DYNC2H1: variants seen among roughly 807,000 people sequenced by gnomAD.
DYNC2H1 encodes the protein cytoplasmic dynein 2 heavy chain 1.
Under a neutral mutation model 570.0 loss-of-function variants are expected in DYNC2H1, and 410 were observed. The ratio of observed to expected loss-of-function variants is 0.72; its 90% CI spans 0.66 to 0.78. The LOEUF is 0.78. Among genes scored for constraint, DYNC2H1 ranks in the 30% least tolerant of loss-of-function variants. The pLI is 0.00. For missense variants in DYNC2H1, 4,865 were observed against 5,046.4 expected, an observed-to-expected ratio of 0.96 and a Z score of 1.09; for synonymous variants, 1,688 against 1,677.6, an observed-to-expected ratio of 1.01 and a Z score of -0.15.
intron 85 of DYNC2H1, among the ~76,000 whole-genome samples, chr11:103,436,404 T>C (rs889486705): frequency 3.9e-5 from 6 of 152,020 alleles, no homozygotes; most frequent in Non-Finnish European, 8.8e-5. Context: ...GATCAAGTTT[T>C]TTCAGAATAA....
chr11:103,176,386 A>T lies in DYNC2H1; in HGVS notation c.5826A>T (p.Ala1942=). ...TGGAATATGATGAACTAAGTGCTGCATTAAAGCAGGTCTTTGAAGAGGCCA... is the reference window on the plus strand; with the variant it reads ...TGGAATATGATGAACTAAGTGCTGCTTTAAAGCAGGTCTTTGAAGAGGCCA... The part of the protein sequence containing the change: ...KEVEYDELSA[A]LKQVFEEANY... Residue 1942 remains alanine (A), a synonymous_variant, in exon 37 of 89, where the codon GCA becomes GCT. Transcript: ENST00000375735. 6.3e-7 allele frequency: 1 copy of T among 1,589,224 alleles called. No individual in the cohort carries two copies. The highest frequency in any genetic ancestry group is 8.6e-7 in the Non-Finnish European group (1 of 1,169,548).
chr11:103,134,772 T>C (rs1194954679), intron 15 of DYNC2H1, among the ~76,000 whole-genome samples: 1 of 152,084 alleles, frequency 6.6e-6, no homozygotes, highest in Non-Finnish European at 1.5e-5. Context: ...AGAATCCTAA[T>C]GATTGGAATA....
chr11:103,145,844 C>T lies in DYNC2H1; in HGVS notation c.2703-1928C>T, dbSNP rs1376576915. On this transcript the variant is annotated intron_variant, in intron 18 of 88. Transcript: ENST00000375735. The surrounding 1 kb of genome is among the most constrained non-coding windows in gnomAD (Gnocchi z 4.2). ...CTATGGCTGAACAGAATCTCAGTTT[C>T]ATATTGTGAATATTTTCAAATGAAA... is the stretch of plus-strand genomic sequence containing the variant. Among the ~76,000 whole-genome samples the T allele has an allele frequency of 3.9e-5, 6 of 152,168 alleles. No homozygotes were observed. Among genetic ancestry groups the T allele is most frequent in the Non-Finnish European group, 8.8e-5 (6 of 68,022 alleles).
At chr11:103,382,645 G>C (rs1024484937) in intron 83 of DYNC2H1, among the ~76,000 whole-genome samples, 1 of 151,700 alleles carries the variant, frequency 6.6e-6, no homozygotes, top group African/African-American at 2.4e-5. Flanking sequence ...TTTCTCAGTT[G>C]TGCTTAGAGC....
intron 83 of DYNC2H1, among the ~76,000 whole-genome samples, chr11:103,362,756 G>T (rs571607047): frequency 2.0e-5 from 3 of 152,074 alleles, no homozygotes; most frequent in Non-Finnish European, 2.9e-5. Flanking sequence ...GTGGCTGGGC[G>T]CAGTGGCTCA....
intron 46 of DYNC2H1, 55 bp downstream of exon 46, chr11:103,191,674 T>A: frequency 9.5e-7 from 1 of 1,057,864 alleles, no homozygotes; most frequent in Non-Finnish European, 1.3e-6. Flanking sequence ...ACATTTATTC[T>A]CTAGATTGTA....
chr11:103,437,414 C>A (rs1459124916), intron 85 of DYNC2H1, among the ~76,000 whole-genome samples: 3 of 151,994 alleles, frequency 2.0e-5, no homozygotes, highest in Non-Finnish European at 4.4e-5. Flanking sequence ...TGTTTGCCAG[C>A]CTACAATTGG....
In DYNC2H1 at chr11:103,135,077, CAT is replaced by C. The variant is rs149859653; in HGVS notation, c.2206-415_2206-414del. ...ATGAGCAATCTAATATTTTAAATCTCATATGTTTTAAAATACGTAGTAGATTT... is the reference window on the plus strand; with the variant it reads ...ATGAGCAATCTAATATTTTAAATCTCATGTTTTAAAATACGTAGTAGATTT... On this transcript the variant is annotated intron_variant, in intron 15 of 88. Transcript: ENST00000375735. Among the ~76,000 whole-genome samples the C allele has an allele frequency of 3.7e-3, 563 of 152,038 alleles. 4 individuals carry two copies. The highest frequency in any genetic ancestry group is 0.013 in the African/African-American group (525 of 41,512).
rs1272819963 is a variant in DYNC2H1 at position 103,204,298 on chromosome 11, A to G, written c.8311+522A>G. Among the ~76,000 whole-genome samples the G allele has an allele frequency of 6.6e-6, 1 of 152,214 alleles. No homozygotes were observed. The highest frequency in any genetic ancestry group is 1.5e-5 in the Non-Finnish European group (1 of 68,026). On this transcript the variant is annotated intron_variant, in intron 51 of 88. Coordinates refer to ENST00000375735, the MANE Select transcript of DYNC2H1 (RefSeq NM_001377.3). The surrounding 1 kb of genome is among the most constrained non-coding windows in gnomAD (Gnocchi z 4.1). ...TACAAAATGAGATTTGGGTAGGGACACAGAGCCAAACCATATCAATACCTT... is the reference window on the plus strand; with the variant it reads ...TACAAAATGAGATTTGGGTAGGGACGCAGAGCCAAACCATATCAATACCTT...
At chr11:103,403,689 A>T (rs1942739138) in intron 84 of DYNC2H1, 1 of 152,024 alleles carries the variant, frequency 6.6e-6, no homozygotes, top group African/African-American at 2.4e-5. Flanking sequence ...ATAGTTCATG[A>T]GTGTAGGACG....
chr11:103,293,619 C>T (rs1565470683), intron 75 of DYNC2H1, among the ~76,000 whole-genome samples: 1 of 151,616 alleles, frequency 6.6e-6, no homozygotes, highest in East Asian at 1.9e-4. Context: ...ATTCTTCTTT[C>T]TTTTTCTCCT....
rs1862721221 is a variant in DYNC2H1, at chr11:103,201,572, G to A, written c.8197+1418G>A. Among the ~76,000 whole-genome samples, 1 of 152,096 alleles carries A rather than the reference G, an allele frequency of 6.6e-6. No individual in the cohort carries two copies. Among genetic ancestry groups the A allele is most frequent in the Non-Finnish European group, 1.5e-5 (1 of 68,028 alleles). On this transcript the variant is annotated intron_variant, in intron 50 of 88. Coordinates refer to ENST00000375735, the MANE Select transcript of DYNC2H1 (RefSeq NM_001377.3). This position sits in a 1 kb window ranked among gnomAD's most constrained non-coding sequence, Gnocchi z 4.8. ...ATTGAATTAAAATCTCTGGGGTATG[G>A]TGGGAGTATCATTTGGCTATTGTGA...
rs143213386 is a variant in DYNC2H1, at chr11:103,129,452, C to T, written c.1953+447C>T. Among the ~76,000 whole-genome samples the T allele has an allele frequency of 2.6e-5, 4 of 152,220 alleles. No individual in the cohort carries two copies. Among genetic ancestry groups the T allele is most frequent in the Non-Finnish European group, 4.4e-5 (3 of 68,008 alleles). On this transcript the variant is annotated intron_variant, in intron 13 of 88. Coordinates refer to ENST00000375735, the MANE Select transcript of DYNC2H1 (RefSeq NM_001377.3). The surrounding 1 kb of genome is among the most constrained non-coding windows in gnomAD (Gnocchi z 4.1). Reference sequence around the variant, plus strand: ...CATCCCAGCACTTTCGAGGCCGAGGCGGGTGGATCACCTGACATCAGGGGT... The same window carrying T: ...CATCCCAGCACTTTCGAGGCCGAGGTGGGTGGATCACCTGACATCAGGGGT...
chr11:103,458,079 G>A (rs1944858570), intron 87 of DYNC2H1, among the ~76,000 whole-genome samples: 1 of 152,140 alleles, frequency 6.6e-6, no homozygotes, highest in Admixed American at 6.5e-5. Context: ...TAGTGTCCTA[G>A]GCCTTCACAT....
intron 8 of DYNC2H1, 38 bp from the exon 9 acceptor site, chr11:103,120,887 C>A: frequency 8.0e-7 from 1 of 1,244,362 alleles, no homozygotes; most frequent in South Asian, 2.7e-5. Context: ...TGAGTTGATC[C>A]GTTGGGATGA....
At chr11:103,413,797 C>T (rs1296427619) in intron 84 of DYNC2H1, among the ~76,000 whole-genome samples, 1 of 151,994 alleles carries the variant, frequency 6.6e-6, no homozygotes, top group East Asian at 1.9e-4. Flanking sequence ...AAAAAAGGGG[C>T]CTGCATATAA....
intron 83 of DYNC2H1, among the ~76,000 whole-genome samples, chr11:103,379,427 A>T (rs1291640187): frequency 1.3e-5 from 2 of 152,136 alleles, no homozygotes; most frequent in Admixed American, 1.3e-4. Flanking sequence ...AAATTTTTAT[A>T]TTACATTCAT....
intron 88 of DYNC2H1, among the ~76,000 whole-genome samples, chr11:103,471,020 A>G (rs1212287892): frequency 6.6e-6 from 1 of 152,150 alleles, no homozygotes; most frequent in Non-Finnish European, 1.5e-5. Flanking sequence ...GAACTAGTTT[A>G]CAGTCCCACC....
intron 83 of DYNC2H1, among the ~76,000 whole-genome samples, chr11:103,375,994 C>G (rs2671378): frequency 0.66 from 100,728 of 151,974 alleles, 33,595 homozygotes; most frequent in Admixed American, 0.72. Context: ...TAATCCCCAC[C>G]TGTTATTTGA....
Sources: allele counts gnomAD v4.1 joint callset (sites outside exome capture counted in the v4.1 genomes callset), GRCh38; gene constraint gnomAD v4.1.1; non-coding constraint Gnocchi (gnomAD v3.1); transcripts MANE v1.5; gene names NCBI Gene and HGNC (gene_info 2026-07-23, HGNC 2026-07-21).